The following CDK14 variants were observed in gnomAD, a reference collection of about 807,000 sequenced individuals.
The protein encoded by CDK14 is cyclin-dependent kinase 14.
Under a neutral mutation model 60.7 loss-of-function variants are expected in CDK14, and 34 were observed. The ratio of observed to expected loss-of-function variants is 0.56; its 90% CI spans 0.43 to 0.75. The LOEUF (loss-of-function observed/expected upper bound fraction) is 0.75, where lower values mean the gene tolerates loss of function less well. Among genes scored for constraint, CDK14 ranks in the 30% least tolerant of loss-of-function variants. The pLI is 0.00. For missense variants in CDK14, 482 were observed against 564.1 expected (o/e 0.85, Z 1.47); for synonymous variants, 197 against 203.7 (o/e 0.97, Z 0.28).
chr7:90,751,103 A>G (rs1473874126), intron 4 of CDK14, among the ~76,000 whole-genome samples: 3 of 152,198 alleles, frequency 2.0e-5, no homozygotes, highest in African/African-American at 7.2e-5. Context: ...AACCTGGAAA[A>G]CATATTTGAG....
intron 12 of CDK14, among the ~76,000 whole-genome samples, chr7:91,081,658 T>C (rs1584029886): frequency 6.6e-6 from 1 of 152,154 alleles, no homozygotes; most frequent in East Asian, 1.9e-4. Flanking sequence ...TGAATAGCTA[T>C]AACAAAAGAC....
At chr7:90,624,529 G>C (rs1000853172) in intron 2 of CDK14, among the ~76,000 whole-genome samples, 1 of 152,158 alleles carries the variant, frequency 6.6e-6, no homozygotes, top group Non-Finnish European at 1.5e-5. Context: ...AGAGCCAACA[G>C]CTCAAACTGT....
intron 11 of CDK14, among the ~76,000 whole-genome samples, chr7:91,074,636 A>G (rs1052127549): frequency 6.6e-6 from 1 of 152,202 alleles, no homozygotes; most frequent in African/African-American, 2.4e-5. Flanking sequence ...AGAAGACAAG[A>G]AATAACTAAG....
intron 9 of CDK14, among the ~76,000 whole-genome samples, chr7:90,978,528 C>A (rs1196228830): frequency 6.6e-6 from 1 of 151,948 alleles, no homozygotes; most frequent in Non-Finnish European, 1.5e-5. Context: ...AAAGGTAGTA[C>A]TTCCAAGCAT....
chr7:91,162,076 TAAGA>T (rs1801182793), intron 14 of CDK14, among the ~76,000 whole-genome samples: 1 of 152,190 alleles, frequency 6.6e-6, no homozygotes, highest in African/African-American at 2.4e-5. Flanking sequence ...TTTTAAAAAC[TAAGA>T]AAGAGAGGCA....
chr7:90,809,948 T>A (rs1335982884), intron 5 of CDK14, among the ~76,000 whole-genome samples: 10 of 152,130 alleles, frequency 6.6e-5, no homozygotes, highest in Admixed American at 6.5e-4. Flanking sequence ...AATAGACCAA[T>A]AACAGGCTCT....
At chr7:90,933,800 A>G (rs1272097225) in intron 8 of CDK14, among the ~76,000 whole-genome samples, 3 of 152,276 alleles carry the variant, frequency 2.0e-5, no homozygotes, top group Non-Finnish European at 2.9e-5. Flanking sequence ...CACTAGTAAC[A>G]TTCCAGAAGA....
At chr7:91,108,705 A>G (rs994397877) in intron 12 of CDK14, among the ~76,000 whole-genome samples, 1 of 152,186 alleles carries the variant, frequency 6.6e-6, no homozygotes, top group Non-Finnish European at 1.5e-5. Flanking sequence ...AAGTTTAATG[A>G]TGATTTCTTA....
chr7:90,880,589 T>C (rs768924358), intron 6 of CDK14, among the ~76,000 whole-genome samples: 24 of 152,252 alleles, frequency 1.6e-4, no homozygotes, highest in Non-Finnish European at 2.6e-4. Flanking sequence ...GACAAAGTGC[T>C]TCCTTAAATA....
intron 8 of CDK14, among the ~76,000 whole-genome samples, chr7:90,933,463 C>G (rs1209823453): frequency 6.6e-6 from 1 of 152,076 alleles, no homozygotes; most frequent in Admixed American, 6.6e-5. Context: ...AGTATCTTTT[C>G]AAATCTTCAC....
At chr7:90,640,759 A>T (rs1397178930) in intron 2 of CDK14, among the ~76,000 whole-genome samples, 1 of 152,146 alleles carries the variant, frequency 6.6e-6, no homozygotes. Flanking sequence ...CTAAAAAACC[A>T]TTGAAAGCCT....
At chr7:90,810,344 C>T (rs1789041071) in intron 5 of CDK14, among the ~76,000 whole-genome samples, 2 of 152,110 alleles carry the variant, frequency 1.3e-5, no homozygotes, top group Non-Finnish European at 2.9e-5. Flanking sequence ...CGTAATCCAG[C>T]GTAGAAACAG....
chr7:91,018,233 C>G (rs1265599073), intron 10 of CDK14, among the ~76,000 whole-genome samples: 1 of 152,176 alleles, frequency 6.6e-6, no homozygotes, highest in Non-Finnish European at 1.5e-5. Context: ...TCTTCCTCTT[C>G]CATTTACTAG....
intron 3 of CDK14, among the ~76,000 whole-genome samples, chr7:90,744,695 C>CAACTTTATTCTTATTTTATAA (rs1395369326): frequency 7.1e-6 from 1 of 139,958 alleles, no homozygotes; most frequent in Admixed American, 6.9e-5. Flanking sequence ...AGGGGCTCCT[C>CAACTTTATTCTTATTTTATAA]ACTTCCCAGT....
At chr7:90,989,012 G>GTT (rs1347816927) in intron 10 of CDK14, among the ~76,000 whole-genome samples, 1 of 151,750 alleles carries the variant, frequency 6.6e-6, no homozygotes, top group Non-Finnish European at 1.5e-5. Context: ...GTGTGTGTGT[G>GTT]TGTGTGTGTG....
chr7:90,800,601 A>G (rs1298221851), intron 5 of CDK14, among the ~76,000 whole-genome samples: 3 of 152,032 alleles, frequency 2.0e-5, no homozygotes, highest in African/African-American at 7.2e-5. Flanking sequence ...TTTCCTTGTA[A>G]CTGTATGGTA....
At chr7:91,164,506 G>C (rs1169381758) in intron 14 of CDK14, among the ~76,000 whole-genome samples, 1 of 152,116 alleles carries the variant, frequency 6.6e-6, no homozygotes, top group African/African-American at 2.4e-5. Flanking sequence ...AGGAATTGGG[G>C]GATTTGTGTG....
In CDK14 at chr7:90,709,782, T is replaced by G. The variant is rs575053407; in HGVS notation, c.124-16785T>G. Reference sequence around the variant, plus strand: ...GGGGATTTCTGGGCTTTTTTTTTTTTGCTTGCTTATGCATCCCCCTCTCTT... The same window carrying G: ...GGGGATTTCTGGGCTTTTTTTTTTTGGCTTGCTTATGCATCCCCCTCTCTT... On this transcript the variant is annotated intron_variant, in intron 2 of 14. Transcript: ENST00000380050. The G allele has an allele frequency of 4.3e-3, 6,114 of 1,423,304 alleles. 14 individuals are homozygous for G. Among genetic ancestry groups the G allele is most frequent in the Non-Finnish European group, 5.1e-3 (5,554 of 1,086,570 alleles). 88.2% of individuals were successfully genotyped at this position (1,423,304 alleles called of 1,614,324 possible). A position where few individuals can be genotyped will look rare whatever the true frequency, so the allele number is the denominator to read the frequency against.
chr7:90,651,173 A>G (rs573914229), intron 2 of CDK14, among the ~76,000 whole-genome samples: 12 of 152,260 alleles, frequency 7.9e-5, no homozygotes, highest in Admixed American at 2.0e-4. Flanking sequence ...GGTCCTTCAC[A>G]TCCCTTGTAA....
Sources: allele counts gnomAD v4.1 joint callset (sites outside exome capture counted in the v4.1 genomes callset), GRCh38; gene constraint gnomAD v4.1.1; transcripts MANE v1.5; gene names NCBI Gene and HGNC (gene_info 2026-07-23, HGNC 2026-07-21).